The following TMEM132D variants were observed in gnomAD, a reference collection of about 807,000 sequenced individuals.
TMEM132D encodes mature OL transmembrane protein.
In TMEM132D, 21 loss-of-function variants were observed where a neutral mutation model predicts 62.3. The ratio of observed to expected loss-of-function variants is 0.34; its 90% CI spans 0.24 to 0.49. The LOEUF (loss-of-function observed/expected upper bound fraction) is 0.49. TMEM132D is among the 20% of genes least tolerant of loss of function. The pLI is 0.99. For missense variants in TMEM132D, 1,346 were observed against 1,402.8 expected (o/e 0.96, Z 0.65); for synonymous variants, 621 against 575.6 (o/e 1.08, Z -1.13).
chr12:129,823,162 G>A (rs1262992386), intron 1 of TMEM132D, among the ~76,000 whole-genome samples: 1 of 152,110 alleles, frequency 6.6e-6, no homozygotes. Flanking sequence ...TACCATGATT[G>A]GAAGCTTCCT....
intron 5 of TMEM132D, among the ~76,000 whole-genome samples, chr12:129,087,843 C>T (rs372402554): frequency 2.8e-5 from 4 of 142,472 alleles, no homozygotes; most frequent in East Asian, 4.2e-4. Flanking sequence ...GAATGACACA[C>T]CGCAGAGCCC....
intron 3 of TMEM132D, among the ~76,000 whole-genome samples, chr12:129,525,621 G>A (rs1323271615): frequency 6.6e-6 from 1 of 152,112 alleles, no homozygotes; most frequent in African/African-American, 2.4e-5. Context: ...GTGCGCATGT[G>A]TGACTGTATT....
intron 3 of TMEM132D, among the ~76,000 whole-genome samples, chr12:129,373,264 TA>T (rs1870670967): frequency 6.6e-6 from 1 of 152,250 alleles, no homozygotes; most frequent in South Asian, 2.1e-4. Flanking sequence ...TAACTGCATT[TA>T]AGTGATAAAA....
chr12:129,864,230 C>A (rs549657636), intron 1 of TMEM132D, among the ~76,000 whole-genome samples: 3 of 152,210 alleles, frequency 2.0e-5, no homozygotes, highest in Non-Finnish European at 4.4e-5. Flanking sequence ...CACTTTAGAA[C>A]TGGATTCTCC....
At chr12:129,423,103 A>G (rs1872377880) in intron 3 of TMEM132D, among the ~76,000 whole-genome samples, 1 of 152,008 alleles carries the variant, frequency 6.6e-6, no homozygotes, top group African/African-American at 2.4e-5. Context: ...ATATTTCTAT[A>G]TATTTACCTG....
intron 1 of TMEM132D, among the ~76,000 whole-genome samples, chr12:129,899,762 C>A (rs963914961): frequency 6.6e-6 from 1 of 152,134 alleles, no homozygotes; most frequent in South Asian, 2.1e-4. Flanking sequence ...TTAATAAAAT[C>A]ACATTTTGAT....
chr12:129,727,548 T>G (rs1041288240), intron 1 of TMEM132D, among the ~76,000 whole-genome samples: 1 of 151,912 alleles, frequency 6.6e-6, no homozygotes, highest in Admixed American at 6.6e-5. Flanking sequence ...ATGACCAAAA[T>G]TAACACTAAA....
chr12:129,404,452 C>A (rs1871715240), intron 3 of TMEM132D, among the ~76,000 whole-genome samples: 1 of 152,236 alleles, frequency 6.6e-6, no homozygotes, highest in African/African-American at 2.4e-5. Flanking sequence ...CCGCCTCAGC[C>A]TCCCAAAGTG....
At chr12:129,423,503 A>G (rs1158283577) in intron 3 of TMEM132D, among the ~76,000 whole-genome samples, 2 of 152,054 alleles carry the variant, frequency 1.3e-5, no homozygotes, top group Non-Finnish European at 2.9e-5. Context: ...TTTGTAGGGG[A>G]TGTAGGGGTT....
chr12:129,312,857 T>G (rs1424511712), intron 4 of TMEM132D, among the ~76,000 whole-genome samples: 1 of 152,200 alleles, frequency 6.6e-6, no homozygotes, highest in Non-Finnish European at 1.5e-5. Flanking sequence ...AGATGAAGCA[T>G]CAGATGTTGG....
chr12:129,562,162 A>T (rs1317940778), intron 2 of TMEM132D, among the ~76,000 whole-genome samples: 1 of 152,238 alleles, frequency 6.6e-6, no homozygotes, highest in Non-Finnish European at 1.5e-5. Flanking sequence ...GGATTTTTCC[A>T]AAATCCCAGG....
At position 129,627,103 on chromosome 12, in the gene TMEM132D, A is replaced by C. The variant is rs1879240336; in HGVS notation, c.968+72707T>G. 2.0e-5 allele frequency among the ~76,000 whole-genome samples: 3 copies of C among 152,090 alleles called. No individual in the cohort carries two copies. The South Asian group carries it at 6.2e-4, about 32-fold the overall frequency. ...TGAATTGAGACGATGGCATCACTAC[A>C]CCCAAAATACGAGATCTTACACCAT... On this transcript the variant is annotated intron_variant, in intron 2 of 8. Transcript: ENST00000422113.
intron 5 of TMEM132D, among the ~76,000 whole-genome samples, chr12:129,091,273 C>G (rs1034496025): frequency 1.5e-4 from 22 of 150,126 alleles, no homozygotes; most frequent in Non-Finnish European, 2.8e-4. Flanking sequence ...CTCTGGGGAC[C>G]CTTCCTAAAC....
Position 129,304,703 on chromosome 12 carries a change from T to C in TMEM132D, c.1299+32931A>G, listed in dbSNP as rs1259169520. On this transcript the variant is annotated intron_variant, in intron 4 of 8. Transcript: ENST00000422113. ...TTTTTTTTTTGATAGGGTCTTGCTC[T>C]GTCAGGCTGGAATGCAGTGTCGCAA... Among the ~76,000 whole-genome samples the C allele has an allele frequency of 2.7e-5, 4 of 147,220 alleles. No individual in the cohort carries two copies. In the Admixed American group the frequency reaches 2.8e-4, roughly 10 times the overall value.
At chr12:129,708,631 AC>A (rs371341528) in intron 1 of TMEM132D, among the ~76,000 whole-genome samples, 21,802 of 70,134 alleles carry the variant, frequency 0.31, 4,246 homozygotes, top group South Asian at 0.38. Flanking sequence ...AAAAAAAAAA[AC>A]ACACACACAC....
At chr12:129,383,592 C>T (rs1474797033) in intron 3 of TMEM132D, among the ~76,000 whole-genome samples, 1 of 152,132 alleles carries the variant, frequency 6.6e-6, no homozygotes, top group Non-Finnish European at 1.5e-5. Context: ...GTGCATGCCA[C>T]TACACCTGGC....
At chr12:129,632,650 C>A (rs1418820517) in intron 2 of TMEM132D, among the ~76,000 whole-genome samples, 3 of 152,178 alleles carry the variant, frequency 2.0e-5, no homozygotes, top group African/African-American at 4.8e-5. Flanking sequence ...ACTCCATCTG[C>A]TTTCTTCTCT....
At chr12:129,233,136 C>T (rs1417315111) in intron 4 of TMEM132D, among the ~76,000 whole-genome samples, 1 of 152,120 alleles carries the variant, frequency 6.6e-6, no homozygotes, top group Non-Finnish European at 1.5e-5. Flanking sequence ...TAAGTAAATG[C>T]ATATTTATTT....
chr12:129,167,768 C>A (rs1424913936), intron 5 of TMEM132D, among the ~76,000 whole-genome samples: 4 of 151,638 alleles, frequency 2.6e-5, no homozygotes, highest in Non-Finnish European at 5.9e-5. Context: ...TGGCAGTTTG[C>A]CCAATTGGGA....
Sources: gnomAD v4.1 joint callset for allele counts (sites outside exome capture counted in the v4.1 genomes callset) on GRCh38, gnomAD v4.1.1 for gene constraint, MANE v1.5 for transcripts, NCBI Gene and HGNC (gene_info 2026-07-23, HGNC 2026-07-21) for gene names.